The following ARFGEF3 variants were observed in gnomAD, a reference collection of about 807,000 sequenced individuals.
ARFGEF3 encodes brefeldin A-inhibited guanine nucleotide-exchange protein 3.
Under a neutral mutation model 221.7 loss-of-function variants are expected in ARFGEF3, and 96 were observed. The ratio of observed to expected loss-of-function variants is 0.43; its 90% CI spans 0.37 to 0.51. The LOEUF (loss-of-function observed/expected upper bound fraction) is 0.51. Among genes scored for constraint, ARFGEF3 ranks in the 20% least tolerant of loss-of-function variants. The pLI is 0.00. For synonymous variants in ARFGEF3, 1,145 were observed against 1,126.8 expected, an observed-to-expected ratio of 1.02 and a Z score of -0.32; for missense variants, 2,410 against 2,789.9, an observed-to-expected ratio of 0.86 and a Z score of 3.07.
intron 2 of ARFGEF3, among the ~76,000 whole-genome samples, chr6:138,182,198 G>A (rs779961309): frequency 6.6e-6 from 1 of 152,118 alleles, no homozygotes; most frequent in Non-Finnish European, 1.5e-5. Context: ...CAGGGCTGCT[G>A]GACTCCAAAA....
At position 138,344,071 on chromosome 6, in the gene ARFGEF3, C is replaced by T. The variant is rs908479132; in HGVS notation, c.*7585C>T. The stretch of plus-strand genomic sequence containing the variant: ...TTCCCGCTTTTCTAAGAGGAATAAA[C>T]TTAGACAAATTACATTATAAACAGT... On this transcript the variant is annotated 3_prime_UTR_variant, in exon 34 of 34. Transcript: ENST00000251691. The T allele has an allele frequency of 6.6e-6, 1 of 152,154 alleles. No individual in the cohort carries two copies. Among genetic ancestry groups the T allele is most frequent in the Non-Finnish European group, 1.5e-5 (1 of 68,034 alleles). 9.4% of individuals were successfully genotyped at this position (152,154 alleles called of 1,614,324 possible). A position where few individuals can be genotyped will look rare whatever the true frequency, so the allele number is the denominator to read the frequency against.
rs1780476707 is a variant in ARFGEF3 at position 138,344,137 on chromosome 6, T to C, written c.*7651T>C. 1 of 152,176 alleles carries C rather than the reference T, an allele frequency of 6.6e-6. No homozygotes were observed. Among genetic ancestry groups the C allele is most frequent in the Admixed American group, 6.5e-5 (1 of 15,274 alleles). 9.4% of individuals were successfully genotyped at this position (152,176 alleles called of 1,614,324 possible). ...TCCCACTCTAGATAAAGCCAGTGGG[T>C]GGTATGGGTCCTTTTATTCCTTATA... On this transcript the variant is annotated 3_prime_UTR_variant, in exon 34 of 34. Transcript: ENST00000251691.
At chr6:138,215,707 A>G (rs999254008) in intron 4 of ARFGEF3, among the ~76,000 whole-genome samples, 1 of 152,118 alleles carries the variant, frequency 6.6e-6, no homozygotes, top group African/African-American at 2.4e-5. Context: ...GGGTAAAACT[A>G]GGAGTGGCTC....
rs542565717 is a variant in ARFGEF3 at position 138,295,390 on chromosome 6, C to T, written c.3502+1264C>T. ...ATCCCAGCACTTTAGGAGGCCGAGG[C>T]GGGCAGATCACCTGAGGTCAGGAGT... is the stretch of plus-strand genomic sequence containing the variant. On this transcript the variant is annotated intron_variant, in intron 20 of 33. Transcript: ENST00000251691. 1.1e-4 allele frequency among the ~76,000 whole-genome samples: 17 copies of T among 151,558 alleles called. 1 individual carries two copies. Among genetic ancestry groups the T allele is most frequent in the East Asian group, 9.7e-4 (5 of 5,140 alleles).
chr6:138,214,438 G>T (rs976874115), intron 4 of ARFGEF3, among the ~76,000 whole-genome samples: 1 of 152,160 alleles, frequency 6.6e-6, no homozygotes, highest in African/African-American at 2.4e-5. Context: ...TTCAAATGTT[G>T]GTCTGGATAT....
Position 138,245,514 on chromosome 6 carries a change from G to A in ARFGEF3, c.588G>A (p.Gly196=). ...CCTGTAACCTCCTCTGTTTTGAAGG[G>A]TCAACAGTAGAGTCCCTCTGTGATG... is the stretch of plus-strand genomic sequence containing the variant. ...PDVPQDFGNQ[G]STVESLCDDV... Residue 196 remains glycine, a splice_region_variant and synonymous_variant, in exon 8 of 34, where the codon GGG becomes GGA. Coordinates refer to ENST00000251691, the MANE Select transcript of ARFGEF3 (RefSeq NM_020340.5). The A allele has an allele frequency of 6.2e-7, 1 of 1,609,534 alleles. No individual in the cohort carries two copies. Among genetic ancestry groups the A allele is most frequent in the Non-Finnish European group, 8.5e-7 (1 of 1,177,794 alleles).
chr6:138,245,480 T>C lies in ARFGEF3; in HGVS notation c.587-33T>C, dbSNP rs769209154. 4 of 1,515,480 alleles carry C rather than the reference T, an allele frequency of 2.6e-6. No homozygotes were observed. The East Asian group carries it at 9.1e-5, about 34-fold the overall frequency. 93.9% of individuals were successfully genotyped at this position (1,515,480 alleles called of 1,614,324 possible). ...GGGAGCTCGTCGTGCCCCCTGTCGATGTCTCATGCCTGTAACCTCCTCTGT... is the reference window on the plus strand; with the variant it reads ...GGGAGCTCGTCGTGCCCCCTGTCGACGTCTCATGCCTGTAACCTCCTCTGT... On this transcript the variant is annotated intron_variant, in intron 7 of 33. Transcript: ENST00000251691.
intron 2 of ARFGEF3, among the ~76,000 whole-genome samples, chr6:138,182,128 C>G (rs9494956): frequency 0.061 from 9,245 of 152,230 alleles, 848 homozygotes; most frequent in African/African-American, 0.2. Flanking sequence ...ACAGTGGACA[C>G]ACTGAGGTTG....
chr6:138,262,729 A>T lies in ARFGEF3; in HGVS notation c.1246A>T (p.Ile416Phe). The T allele has an allele frequency of 6.2e-7, 1 of 1,609,178 alleles. No individual in the cohort carries two copies. Among genetic ancestry groups the T allele is most frequent in the South Asian group, 1.1e-5 (1 of 90,966 alleles). Residue 416 changes from isoleucine to phenylalanine, a missense_variant, in exon 12 of 34, where the codon ATC becomes TTC. Transcript: ENST00000251691. Reference protein sequence around the residue: ...LIMDGMTEACIKGGIEACYAA... With the variant: ...LIMDGMTEACFKGGIEACYAA... ...CATGGATGGCATGACCGAAGCATGC[A>T]TCAAGGGTGGCATCGAAGCTTGCTA... is the stretch of plus-strand genomic sequence containing the variant.
chr6:138,334,345 G>A lies in ARFGEF3; in HGVS notation c.5499G>A (p.Thr1833=), dbSNP rs749900967. 1.1e-5 allele frequency: 17 copies of A among 1,613,684 alleles called. No homozygotes were observed. Among genetic ancestry groups the A allele is most frequent in the South Asian group, 7.7e-5 (7 of 91,044 alleles). Residue 1833 remains threonine (T), a synonymous_variant, in exon 33 of 34, where the codon ACG becomes ACA. Transcript: ENST00000251691. This position sits in a 1 kb window ranked among gnomAD's most constrained non-coding sequence, Gnocchi z 5.1. ...TTCTCACCAATCAAGAAACCATCAC[G>A]GCCGAGCAAGTGAAGAAGGTCCTTT... ...CAVLTNQETI[T]AEQVKKVLFE...
chr6:138,215,911 A>AGT (rs1777839476), intron 4 of ARFGEF3: 2 of 85,482 alleles, frequency 2.3e-5, no homozygotes, highest in South Asian at 8.1e-4. Flanking sequence ...AGAGAGAGAG[A>AGT]GTGTTGGGGA....
chr6:138,196,785 A>G (rs1777431661), intron 2 of ARFGEF3, among the ~76,000 whole-genome samples: 1 of 152,156 alleles, frequency 6.6e-6, no homozygotes, highest in African/African-American at 2.4e-5. Flanking sequence ...CAGTTGTACA[A>G]AAATACTTTA....
intron 2 of ARFGEF3, among the ~76,000 whole-genome samples, chr6:138,197,346 C>T (rs1173434044): frequency 6.6e-6 from 1 of 152,174 alleles, no homozygotes; most frequent in Non-Finnish European, 1.5e-5. Context: ...CCTGAAGGAC[C>T]TGCCTGAGGC....
chr6:138,313,647 T>G, intron 25 of ARFGEF3, 148 bp from the exon 26 acceptor site: 1 of 692,944 alleles, frequency 1.4e-6, no homozygotes, highest in Non-Finnish European at 2.4e-6. Context: ...AAGCTACCCT[T>G]ATAAATCCAA....
chr6:138,323,634 A>C (rs1455705877), intron 29 of ARFGEF3, 37 bp from the exon 30 acceptor site: 1 of 1,401,934 alleles, frequency 7.1e-7, no homozygotes, highest in Non-Finnish European at 9.8e-7. Context: ...AACAACAACA[A>C]CAAAAAAAAA....
intron 4 of ARFGEF3, among the ~76,000 whole-genome samples, chr6:138,224,044 C>T (rs565860277): frequency 1.3e-5 from 2 of 152,318 alleles, no homozygotes; most frequent in East Asian, 3.9e-4. Flanking sequence ...TAATCCAGCA[C>T]ACAGGTAGGT....
intron 3 of ARFGEF3, 82 bp downstream of exon 3, chr6:138,207,205 A>T: frequency 9.9e-7 from 1 of 1,007,560 alleles, no homozygotes; most frequent in South Asian, 1.4e-5. Context: ...TTAACATTTT[A>T]AATACTGGCT....
chr6:138,236,116 C>T (rs1328965563), intron 5 of ARFGEF3, among the ~76,000 whole-genome samples: 1 of 152,176 alleles, frequency 6.6e-6, no homozygotes, highest in Non-Finnish European at 1.5e-5. Context: ...TTTCATGAGT[C>T]TAAAGTGAAT....
At chr6:138,266,858 A>AAAAAAAAAAG (rs1778905137) in intron 12 of ARFGEF3, among the ~76,000 whole-genome samples, 1 of 151,386 alleles carries the variant, frequency 6.6e-6, no homozygotes, top group Non-Finnish European at 1.5e-5. Flanking sequence ...CAAAAAAAAA[A>AAAAAAAAAAG]AAAAAAAGAT....
Sources: allele counts gnomAD v4.1 joint callset (sites outside exome capture counted in the v4.1 genomes callset), GRCh38; gene constraint gnomAD v4.1.1; non-coding constraint Gnocchi (gnomAD v3.1); transcripts MANE v1.5; gene names NCBI Gene and HGNC (gene_info 2026-07-23, HGNC 2026-07-21).